Variants in ZNF705A observed in about 807,000 individuals in gnomAD.
ZNF705A encodes the protein zinc finger protein 705A.
ZNF705A carries 8 observed loss-of-function variants against 16.6 expected under a neutral mutation model. The ratio of observed to expected loss-of-function variants is 0.48; its 90% CI spans 0.28 to 0.87. The LOEUF is 0.87. Ranked by LOEUF, ZNF705A falls within the 40% of genes least tolerant of loss-of-function variation. The pLI, the probability that ZNF705A is intolerant of heterozygous loss-of-function variation, is 0.10. For synonymous variants in ZNF705A, 73 were observed against 117.3 expected, an observed-to-expected ratio of 0.62 and a Z score of 2.44; for missense variants, 233 against 359.9, an observed-to-expected ratio of 0.65 and a Z score of 2.85.
intron 1 of ZNF705A, among the ~76,000 whole-genome samples, chr12:8,159,144 A>T (rs1227653654): frequency 6.6e-6 from 1 of 152,158 alleles, no homozygotes; most frequent in Non-Finnish European, 1.5e-5. Context: ...CCATTACTTC[A>T]TTCATTTTTA....
chr12:8,165,948 C>T (rs956862984), intron 1 of ZNF705A, among the ~76,000 whole-genome samples: 12 of 152,166 alleles, frequency 7.9e-5, no homozygotes, highest in Admixed American at 4.6e-4. Flanking sequence ...CATGTCTTTG[C>T]TATTGCAAAT....
chr12:8,179,680 A>T (rs188642832), exon 5 of ZNF705A: 4 of 152,352 alleles, frequency 2.6e-5, no homozygotes, highest in Admixed American at 1.3e-4. Context: ...GTGTGAGGAT[A>T]ATGAGCAAGA....
exon 5 of ZNF705A, chr12:8,179,038 A>C (rs956641738): frequency 6.6e-6 from 1 of 152,230 alleles, no homozygotes; most frequent in Non-Finnish European, 1.5e-5. Context: ...TTAGCAGGGA[A>C]ATGGAGGCTG....
intron 1 of ZNF705A, among the ~76,000 whole-genome samples, chr12:8,157,999 C>T (rs2120692077): frequency 6.6e-6 from 1 of 152,194 alleles, no homozygotes; most frequent in East Asian, 1.9e-4. Flanking sequence ...ACAGAAATAA[C>T]ACTGATTAGT....
chr12:8,162,476 C>T (rs1034193424), intron 1 of ZNF705A, among the ~76,000 whole-genome samples: 4 of 152,160 alleles, frequency 2.6e-5, no homozygotes, highest in African/African-American at 7.2e-5. Flanking sequence ...AGAGAACTTA[C>T]AGCTGCCAGA....
chr12:8,158,626 T>C (rs1408812548), intron 1 of ZNF705A, among the ~76,000 whole-genome samples: 1 of 152,126 alleles, frequency 6.6e-6, no homozygotes, highest in Admixed American at 6.6e-5. Flanking sequence ...TTTTTGTAAA[T>C]ATTTTTTCCC....
At chr12:8,171,734 C>A (rs1357863869), upstream of ZNF705A, among the ~76,000 whole-genome samples, 3 of 121,610 alleles carry the variant, frequency 2.5e-5, no homozygotes, top group Non-Finnish European at 6.0e-5. Flanking sequence ...TTACCCCCAT[C>A]CTAAAACAGA....
Position 8,177,546 on chromosome 12 carries a change from G to T in ZNF705A, c.866G>T (p.Cys289Phe), listed in dbSNP as rs756708590. 9.3e-6 allele frequency: 15 copies of T among 1,612,318 alleles called. No individual in the cohort carries two copies. The South Asian group carries it at 1.6e-4, about 18-fold the overall frequency. ...GAGAAACCACATGCTTGTCTTCTAT[G>T]TGGGAAGGCCTTCAGTCTGTCTTCC... The change falls in exon 5 of 5, where the codon TGT becomes TTT. Residue 289 changes from cysteine (C) to phenylalanine (F), a missense_variant. Cys to Phe is a radical substitution (Grantham distance 205). This residue lies in a region of ZNF705A where 220 missense variants were observed against 271.4 expected (regional missense o/e 0.81). Coordinates refer to ENST00000359286, the Ensembl canonical transcript of ZNF705A.
At chr12:8,161,588 G>A (rs1465697132) in intron 1 of ZNF705A, among the ~76,000 whole-genome samples, 1 of 152,096 alleles carries the variant, frequency 6.6e-6, no homozygotes. Context: ...TGTGCATAAA[G>A]GTGTTCATAG....
intron 1 of ZNF705A, among the ~76,000 whole-genome samples, chr12:8,165,832 T>C (rs1948395309): frequency 6.6e-6 from 1 of 152,182 alleles, no homozygotes; most frequent in Non-Finnish European, 1.5e-5. Flanking sequence ...TTCATCTATG[T>C]TGGTGCAAAG....
At chr12:8,177,233 T>C (rs1476128922) in exon 5 of ZNF705A, 2 of 1,611,560 alleles carry the variant, frequency 1.2e-6, no homozygotes, top group East Asian at 2.2e-5. Flanking sequence ...TACTAATTGC[T>C]TTCGCCTTAG....
intron 4 of ZNF705A, among the ~76,000 whole-genome samples, chr12:8,176,675 C>T (rs1948486063): frequency 6.6e-6 from 1 of 152,072 alleles, no homozygotes; most frequent in African/African-American, 2.4e-5. Flanking sequence ...GTTTGCATTG[C>T]CATGGTGTAA....
At chr12:8,176,272 A>G (rs1002546605) in intron 4 of ZNF705A, among the ~76,000 whole-genome samples, 4 of 152,214 alleles carry the variant, frequency 2.6e-5, no homozygotes, top group Admixed American at 2.6e-4. Context: ...GTGTATGCAA[A>G]TGTCAATCGA....
upstream of ZNF705A, among the ~76,000 whole-genome samples, chr12:8,169,666 G>C (rs1948428772): frequency 1.3e-5 from 2 of 152,186 alleles, no homozygotes; most frequent in Non-Finnish European, 2.9e-5. Context: ...GGAAAAGACA[G>C]GCAAAAGAAT....
Position 8,161,835 on chromosome 12 carries a change from C to G in ZNF705A, c.-72+4743C>G, listed in dbSNP as rs776239369. On this transcript the variant is annotated intron_variant, in intron 1 of 5. Coordinates refer to the ZNF705A transcript ENST00000396570. ...GCCTTCCTATAAAAAATCCTTGACC[C>G]AGTAACCTGTGGATGGCCCAAATGC... 3.9e-5 allele frequency among the ~76,000 whole-genome samples: 6 copies of G among 152,254 alleles called. No individual in the cohort carries two copies. The East Asian group carries it at 1.2e-3, about 29-fold the overall frequency.
upstream of ZNF705A, among the ~76,000 whole-genome samples, chr12:8,168,517 T>A (rs1468820435): frequency 6.6e-6 from 1 of 152,266 alleles, no homozygotes; most frequent in Non-Finnish European, 1.5e-5. Flanking sequence ...TATCTCATTA[T>A]TTGAACTGCC....
chr12:8,169,959 G>A (rs1373755175), upstream of ZNF705A, among the ~76,000 whole-genome samples: 1 of 152,160 alleles, frequency 6.6e-6, no homozygotes, highest in Non-Finnish European at 1.5e-5. Context: ...AGAGGCGGAG[G>A]CTAGCGGATC....
At chr12:8,167,378 G>A (rs1267757450) in intron 1 of ZNF705A, among the ~76,000 whole-genome samples, 1 of 152,130 alleles carries the variant, frequency 6.6e-6, no homozygotes, top group East Asian at 1.9e-4. Flanking sequence ...AACTGAACAG[G>A]GAGTGTCTCC....
rs549041815 is a variant in ZNF705A, at chr12:8,163,612, T to C, written c.-72+6520T>C. Among the ~76,000 whole-genome samples the C allele has an allele frequency of 3.2e-3, 480 of 152,358 alleles. 2 individuals are homozygous for C. Among genetic ancestry groups the C allele is most frequent in the Non-Finnish European group, 5.6e-3 (379 of 68,042 alleles). ...AAGGAGCATATGTTCTCTATATGTATATAAAATTAATGTCTGAACAAAGTG... is the reference window on the plus strand; with the variant it reads ...AAGGAGCATATGTTCTCTATATGTACATAAAATTAATGTCTGAACAAAGTG... On this transcript the variant is annotated intron_variant, in intron 1 of 5. Transcript: ENST00000396570.
Sources: allele counts gnomAD v4.1 joint callset (sites outside exome capture counted in the v4.1 genomes callset), GRCh38; gene constraint gnomAD v4.1.1; regional missense constraint gnomAD v4.1.1; transcripts MANE v1.5; gene names NCBI Gene and HGNC (gene_info 2026-07-23, HGNC 2026-07-21).